Variants in ATP8A2 observed in about 807,000 individuals in gnomAD.
The protein encoded by ATP8A2 is phospholipid-transporting ATPase IB.
A neutral mutation model predicts 165.6 loss-of-function variants in ATP8A2; 100 were observed. That is an observed-to-expected ratio of 0.60 (90% CI 0.51 to 0.71). ATP8A2 has a LOEUF of 0.71. ATP8A2 is among the 30% of genes least tolerant of loss of function. The pLI, the probability that ATP8A2 is intolerant of heterozygous loss-of-function variation, is 0.00. For missense variants in ATP8A2, 1,227 were observed against 1,479.5 expected, an observed-to-expected ratio of 0.83 and a Z score of 2.80; for synonymous variants, 543 against 548.8, an observed-to-expected ratio of 0.99 and a Z score of 0.15.
At chr13:25,860,727 G>A in intron 31 of ATP8A2, 77 bp from the exon 32 acceptor site, 1 of 1,156,554 alleles carries the variant, frequency 8.6e-7, no homozygotes, top group Non-Finnish European at 1.3e-6. Flanking sequence ...CTGGAGTGGA[G>A]AGATGGGATT....
intron 24 of ATP8A2, among the ~76,000 whole-genome samples, chr13:25,609,589 T>TCAAATATATATATATATATTTTGATC (rs2040625622): frequency 1.6e-5 from 2 of 128,980 alleles, no homozygotes; most frequent in African/African-American, 2.8e-5. Context: ...ATATTTGGGT[T>TCAAATATATATATATATATTTTGATC]CAAATATATA....
intron 33 of ATP8A2, among the ~76,000 whole-genome samples, chr13:25,916,426 C>G (rs1167443996): frequency 6.6e-6 from 1 of 152,206 alleles, no homozygotes. Flanking sequence ...GTCCCCGCAG[C>G]AGGTGCATGT....
chr13:25,982,033 A>G (rs960262733), intron 35 of ATP8A2, among the ~76,000 whole-genome samples: 13 of 152,200 alleles, frequency 8.5e-5, no homozygotes, highest in African/African-American at 3.1e-4. Flanking sequence ...TGGCCAGTTC[A>G]TCAGAAATAC....
intron 24 of ATP8A2, among the ~76,000 whole-genome samples, chr13:25,621,328 CATT>C (rs1565986946): frequency 6.6e-6 from 1 of 152,124 alleles, no homozygotes; most frequent in East Asian, 1.9e-4. Context: ...TTGGTGGAAA[CATT>C]AGAGGATAAA....
intron 10 of ATP8A2, among the ~76,000 whole-genome samples, chr13:25,549,620 C>T (rs2038758083): frequency 6.6e-6 from 1 of 152,020 alleles, no homozygotes; most frequent in African/African-American, 2.4e-5. Context: ...CTGTGGCTTT[C>T]CTCTCTTCAG....
intron 24 of ATP8A2, among the ~76,000 whole-genome samples, chr13:25,631,492 A>G (rs915177354): frequency 6.6e-6 from 1 of 152,168 alleles, no homozygotes; most frequent in Non-Finnish European, 1.5e-5. Context: ...TTTTGAAGTC[A>G]TGTAAACTTT....
At chr13:25,552,762 A>G (rs1190229122) in intron 11 of ATP8A2, among the ~76,000 whole-genome samples, 3 of 152,192 alleles carry the variant, frequency 2.0e-5, no homozygotes, top group African/African-American at 4.8e-5. Context: ...AAAAGCAACC[A>G]GCAGGAAAAG....
chr13:25,708,952 A>G (rs2043106242), intron 25 of ATP8A2, among the ~76,000 whole-genome samples: 1 of 152,182 alleles, frequency 6.6e-6, no homozygotes, highest in Non-Finnish European at 1.5e-5. Context: ...GACCATTGTC[A>G]TCTGCAGAGC....
chr13:25,780,442 G>A (rs1222577241), intron 27 of ATP8A2, among the ~76,000 whole-genome samples: 2 of 152,104 alleles, frequency 1.3e-5, no homozygotes, highest in Non-Finnish European at 2.9e-5. Context: ...TGCATATTTA[G>A]CAGGAAGGTC....
chr13:25,983,570 C>A (rs1222319532), intron 35 of ATP8A2, among the ~76,000 whole-genome samples: 1 of 152,066 alleles, frequency 6.6e-6, no homozygotes, highest in East Asian at 1.9e-4. Context: ...CTTTATAGAA[C>A]CTTGGTGAGT....
intron 25 of ATP8A2, among the ~76,000 whole-genome samples, chr13:25,752,333 C>T (rs2044169436): frequency 6.6e-6 from 1 of 152,022 alleles, no homozygotes; most frequent in Non-Finnish European, 1.5e-5. Context: ...TGGTGGCATA[C>T]CCCTGTAGTC....
intron 33 of ATP8A2, among the ~76,000 whole-genome samples, chr13:25,942,633 A>T (rs892472135): frequency 6.6e-6 from 1 of 152,210 alleles, no homozygotes; most frequent in Non-Finnish European, 1.5e-5. Context: ...CATGTTGGCC[A>T]GGCTGGTCTC....
chr13:25,595,256 T>C (rs1216881737), intron 24 of ATP8A2, among the ~76,000 whole-genome samples: 2 of 152,158 alleles, frequency 1.3e-5, no homozygotes, highest in African/African-American at 4.8e-5. Flanking sequence ...CAAAGATGTG[T>C]TTGCTCAGAG....
chr13:25,399,634 C>G (rs1264728430), intron 1 of ATP8A2, among the ~76,000 whole-genome samples: 70 of 142,220 alleles, frequency 4.9e-4, no homozygotes, highest in Middle Eastern at 3.5e-3. Context: ...GATCTCCTGA[C>G]CTCGTGATCC....
chr13:25,397,720 G>A (rs2033477489), intron 1 of ATP8A2, among the ~76,000 whole-genome samples: 1 of 152,230 alleles, frequency 6.6e-6, no homozygotes, highest in African/African-American at 2.4e-5. Flanking sequence ...GAGAACATGT[G>A]CCCAAGGTGG....
intron 2 of ATP8A2, among the ~76,000 whole-genome samples, chr13:25,528,873 T>G (rs1275260801): frequency 6.6e-6 from 1 of 150,756 alleles, no homozygotes; most frequent in Non-Finnish European, 1.5e-5. Context: ...TATGCATACA[T>G]ATGCAACATG....
intron 35 of ATP8A2, among the ~76,000 whole-genome samples, chr13:25,985,117 A>G (rs1438757639): frequency 2.6e-5 from 4 of 152,242 alleles, no homozygotes; most frequent in Non-Finnish European, 5.9e-5. Context: ...CTCCATCCCC[A>G]GGGCACTGCT....
intron 23 of ATP8A2, among the ~76,000 whole-genome samples, chr13:25,586,819 G>C (rs976993260): frequency 1.3e-5 from 2 of 152,124 alleles, no homozygotes; most frequent in Admixed American, 6.5e-5. Context: ...CTTTTTTAAG[G>C]AGGAAACAGG....
At chr13:25,670,121 T>A (rs2042234774) in intron 24 of ATP8A2, among the ~76,000 whole-genome samples, 1 of 152,194 alleles carries the variant, frequency 6.6e-6, no homozygotes, top group South Asian at 2.1e-4. Context: ...CATAGGTTTT[T>A]AATTAACTCC....
Sources: gnomAD v4.1 joint callset for allele counts (sites outside exome capture counted in the v4.1 genomes callset) on GRCh38, gnomAD v4.1.1 for gene constraint, MANE v1.5 for transcripts, NCBI Gene and HGNC (gene_info 2026-07-23, HGNC 2026-07-21) for gene names.